The following ANP32A variants were observed in gnomAD, a reference collection of about 807,000 sequenced individuals.
The protein encoded by ANP32A is acidic leucine-rich nuclear phosphoprotein 32 family member A.
A neutral mutation model predicts 33.9 loss-of-function variants in ANP32A; 1 was observed. The observed-to-expected ratio is 0.03, with a 90% CI of 0.01 to 0.14. The LOEUF (loss-of-function observed/expected upper bound fraction) is 0.14. Ranked by LOEUF, ANP32A falls within the 10% of genes least tolerant of loss-of-function variation. ANP32A has a pLI of 1.00. For synonymous variants in ANP32A, 115 were observed against 120.5 expected, an observed-to-expected ratio of 0.95 and a Z score of 0.30; for missense variants, 155 against 306.0, an observed-to-expected ratio of 0.51 and a Z score of 3.68.
chr15:68,791,182 C>G (rs1478161108), intron 1 of ANP32A: 1 of 152,276 alleles, frequency 6.6e-6, no homozygotes. Flanking sequence ...TGGGTTCCCT[C>G]TCAGCCTACA....
At chr15:68,796,088 C>T (rs1018423212) in intron 1 of ANP32A, among the ~76,000 whole-genome samples, 1 of 152,138 alleles carries the variant, frequency 6.6e-6, no homozygotes, top group Non-Finnish European at 1.5e-5. Context: ...ACAGACTCAA[C>T]TCTTTTTATT....
intron 5 of ANP32A, among the ~76,000 whole-genome samples, chr15:68,782,468 C>G (rs1432533535): frequency 6.6e-6 from 1 of 152,136 alleles, no homozygotes; most frequent in African/African-American, 2.4e-5. Flanking sequence ...AAACTGGGAA[C>G]CAGCCAATCT....
At chr15:68,820,107 G>A (rs947415338) in intron 1 of ANP32A, among the ~76,000 whole-genome samples, 1 of 152,028 alleles carries the variant, frequency 6.6e-6, no homozygotes, top group East Asian at 1.9e-4. Flanking sequence ...CCCTCCCCAC[G>A]CGCTCTCCCC....
Position 68,780,156 on chromosome 15 carries a change from A to C in ANP32A, c.689-14T>G. 1 of 1,613,638 alleles carries C rather than the reference A, an allele frequency of 6.2e-7. No individual in the cohort carries two copies. The highest frequency in any genetic ancestry group is 8.5e-7 in the Non-Finnish European group (1 of 1,179,692). ...CCCTTTCTTCTTCTGGAAAAGTAAGAAAGCGGCATTTAGATTAGTTATTAA... is the reference window on the plus strand; with the variant it reads ...CCCTTTCTTCTTCTGGAAAAGTAAGCAAGCGGCATTTAGATTAGTTATTAA... On this transcript the variant is annotated splice_polypyrimidine_tract_variant and intron_variant, in intron 6 of 6. Coordinates refer to ENST00000465139, the MANE Select transcript of ANP32A (RefSeq NM_006305.4). The surrounding 1 kb of genome is among the most constrained non-coding windows in gnomAD (Gnocchi z 4.3).
intron 1 of ANP32A, among the ~76,000 whole-genome samples, chr15:68,818,702 C>A (rs748805209): frequency 6.6e-6 from 1 of 152,074 alleles, no homozygotes; most frequent in Non-Finnish European, 1.5e-5. Flanking sequence ...CAGCGTCGGT[C>A]GGGTTCGCCA....
At position 68,779,192 on chromosome 15, in the gene ANP32A, C is replaced by T. The variant is rs1200689410; in HGVS notation, c.*889G>A. The T allele has an allele frequency of 6.6e-6, 1 of 151,990 alleles. No homozygotes were observed. The highest frequency in any genetic ancestry group is 2.1e-4 in the South Asian group (1 of 4,822). The allele number at this position is 151,990 out of a possible 1,614,324, so 9.4% of individuals were successfully genotyped here. On this transcript the variant is annotated 3_prime_UTR_variant, in exon 7 of 7. Coordinates refer to ENST00000465139, the MANE Select transcript of ANP32A (RefSeq NM_006305.4). ...GGGTGTATGAAAAAAAAAACCCAGCCGACATGCAGCAACGTCTCCAGCGCT... is the reference window on the plus strand; with the variant it reads ...GGGTGTATGAAAAAAAAAACCCAGCTGACATGCAGCAACGTCTCCAGCGCT...
At chr15:68,786,252 CTTT>C (rs558065991) in intron 3 of ANP32A, among the ~76,000 whole-genome samples, 5,277 of 89,870 alleles carry the variant, frequency 0.059, 121 homozygotes, top group East Asian at 0.14. Flanking sequence ...GCTGCTGCTG[CTTT>C]TTTTTTTTTT....
At chr15:68,810,916 C>T (rs746496054) in intron 1 of ANP32A, among the ~76,000 whole-genome samples, 6 of 151,826 alleles carry the variant, frequency 4.0e-5, no homozygotes, top group East Asian at 1.9e-4. Context: ...AAAAGTTATC[C>T]GGGCGTGGTG....
At chr15:68,787,691 ACT>A in intron 2 of ANP32A, 77 bp downstream of exon 2, 1 of 1,596,654 alleles carries the variant, frequency 6.3e-7, no homozygotes. Flanking sequence ...CCCTTCAATT[ACT>A]CTTTCTAAAC....
intron 1 of ANP32A, among the ~76,000 whole-genome samples, chr15:68,815,891 G>A (rs1484081192): frequency 6.6e-6 from 1 of 152,216 alleles, no homozygotes; most frequent in Non-Finnish European, 1.5e-5. Flanking sequence ...GAGGTGCTAT[G>A]AGCATACTAT....
chr15:68,783,473 G>A (rs1030223885), intron 4 of ANP32A, among the ~76,000 whole-genome samples: 1 of 152,184 alleles, frequency 6.6e-6, no homozygotes, highest in Non-Finnish European at 1.5e-5. Flanking sequence ...GCTGGGCCTA[G>A]GGGACCTGGT....
chr15:68,807,858 A>G (rs1200955011), intron 1 of ANP32A, among the ~76,000 whole-genome samples: 3 of 152,106 alleles, frequency 2.0e-5, no homozygotes, highest in Admixed American at 1.3e-4. Context: ...CCTTTTACAA[A>G]AGGTCCACGG....
intron 1 of ANP32A, among the ~76,000 whole-genome samples, chr15:68,799,300 A>G (rs1567036978): frequency 6.6e-6 from 1 of 152,174 alleles, no homozygotes; most frequent in Non-Finnish European, 1.5e-5. Context: ...CAGACAGAGA[A>G]AGACACGATG....
chr15:68,781,774 T>A (rs561686789), intron 5 of ANP32A, among the ~76,000 whole-genome samples: 3 of 152,236 alleles, frequency 2.0e-5, no homozygotes, highest in African/African-American at 7.2e-5. Context: ...TGGCTAATTT[T>A]TATATTTTTA....
chr15:68,806,624 TAA>T (rs1894229248), intron 1 of ANP32A, among the ~76,000 whole-genome samples: 1 of 152,206 alleles, frequency 6.6e-6, no homozygotes, highest in Admixed American at 6.5e-5. Context: ...AGACAAGGGC[TAA>T]AAAGAACAGA....
intron 1 of ANP32A, among the ~76,000 whole-genome samples, chr15:68,798,445 A>G (rs1370837684): frequency 6.6e-6 from 1 of 152,174 alleles, no homozygotes; most frequent in Non-Finnish European, 1.5e-5. Context: ...TCAAAGAACT[A>G]AAGGACCCCA....
intron 1 of ANP32A, among the ~76,000 whole-genome samples, chr15:68,802,491 G>T (rs891172937): frequency 6.6e-6 from 1 of 152,018 alleles, no homozygotes; most frequent in Admixed American, 6.5e-5. Flanking sequence ...TCTTATTGAT[G>T]AGTATCTGGG....
At chr15:68,786,252 CT>C (rs558065991) in intron 3 of ANP32A, among the ~76,000 whole-genome samples, 876 of 90,144 alleles carry the variant, frequency 9.7e-3, no homozygotes, top group Middle Eastern at 0.015. Flanking sequence ...GCTGCTGCTG[CT>C]TTTTTTTTTT....
At chr15:68,815,028 C>T (rs1467548346) in intron 1 of ANP32A, among the ~76,000 whole-genome samples, 5 of 152,204 alleles carry the variant, frequency 3.3e-5, no homozygotes, top group African/African-American at 7.2e-5. Flanking sequence ...GAACTCTAGA[C>T]GAGAAGTGCT....
Sources: allele counts gnomAD v4.1 joint callset (sites outside exome capture counted in the v4.1 genomes callset), GRCh38; gene constraint gnomAD v4.1.1; non-coding constraint Gnocchi (gnomAD v3.1); transcripts MANE v1.5; gene names NCBI Gene and HGNC (gene_info 2026-07-23, HGNC 2026-07-21).